Variants in ZNF37A observed in about 807,000 individuals in gnomAD.
ZNF37A encodes zinc finger protein 37a (KOX 21).
A neutral mutation model predicts 12.3 loss-of-function variants in ZNF37A; 10 were observed. The observed-to-expected ratio is 0.82, with a 90% CI of 0.50 to 1.38. ZNF37A has a LOEUF of 1.38. ZNF37A is among the 40% of genes most tolerant of loss of function. ZNF37A has a pLI of 0.00. For synonymous variants in ZNF37A, 207 were observed against 223.0 expected, an observed-to-expected ratio of 0.93 and a Z score of 0.64; for missense variants, 580 against 651.2, an observed-to-expected ratio of 0.89 and a Z score of 1.19.
intron 5 of ZNF37A, among the ~76,000 whole-genome samples, chr10:38,112,796 T>TCGG (rs1564932659): frequency 0.018 from 874 of 47,558 alleles, 121 homozygotes; most frequent in Middle Eastern, 0.052. Flanking sequence ...TTTTCTTTTC[T>TCGG]TGTCTTGTCT....
chr10:38,104,026 T>C (rs1414326445), intron 5 of ZNF37A, among the ~76,000 whole-genome samples: 1 of 152,206 alleles, frequency 6.6e-6, no homozygotes, highest in Non-Finnish European at 1.5e-5. Context: ...TTTCTGAGCA[T>C]GCATATTGTC....
chr10:38,142,889 A>C (rs1440764648), intron 7 of ZNF37A: 3 of 152,240 alleles, frequency 2.0e-5, no homozygotes, highest in Non-Finnish European at 4.4e-5. Context: ...CAGACCATGG[A>C]GTAATTTTTG....
At position 38,097,583 on chromosome 10, in the gene ZNF37A, CAAA is replaced by C. The variant is rs71007695; in HGVS notation, c.15+980_15+982del. On this transcript the variant is annotated intron_variant, in intron 5 of 7. Coordinates refer to ENST00000685332, the MANE Select transcript of ZNF37A (RefSeq NM_001324250.3). ...TGGGTGACAGAGTGAGACTCTGTCT[CAAA>C]AAAAAAAAAAAAAAAAAAAAAAAAA... Among the ~76,000 whole-genome samples, 20 of 61,946 alleles carry C rather than the reference CAAA, an allele frequency of 3.2e-4. 1 individual carries two copies. The highest frequency in any genetic ancestry group is 7.4e-4 in the South Asian group (1 of 1,344). The allele number at this position is 61,946 out of a possible 152,430, so 40.6% of individuals were successfully genotyped here.
Position 38,120,469 on chromosome 10 carries a change from A to G in ZNF37A, c.*1632A>G, listed in dbSNP as rs1292519555. 3.3e-5 allele frequency: 5 copies of G among 152,192 alleles called. No individual in the cohort carries two copies. Among genetic ancestry groups the G allele is most frequent in the Non-Finnish European group, 5.9e-5 (4 of 68,058 alleles). 9.4% of individuals were successfully genotyped at this position (152,192 alleles called of 1,614,324 possible). ...AATATACTTTGCTATTGGGTAAGGT[A>G]TAGTAGTTGGCAGCAGAATGGACCC... On this transcript the variant is annotated 3_prime_UTR_variant, in exon 8 of 8. Coordinates refer to ENST00000685332, the MANE Select transcript of ZNF37A (RefSeq NM_001324250.3).
intron 5 of ZNF37A, among the ~76,000 whole-genome samples, chr10:38,106,098 G>C (rs1262413907): frequency 6.6e-6 from 1 of 152,042 alleles, no homozygotes; most frequent in Non-Finnish European, 1.5e-5. Flanking sequence ...TTTCACTGTG[G>C]AGTATGTTAC....
intron 7 of ZNF37A, among the ~76,000 whole-genome samples, chr10:38,133,890 A>G (rs1327906258): frequency 2.0e-5 from 3 of 152,218 alleles, no homozygotes; most frequent in Non-Finnish European, 2.9e-5. Context: ...GAATTGCCAC[A>G]CTATCTTCCA....
chr10:38,129,319 A>AAAAAAC, downstream of ZNF37A, among the ~76,000 whole-genome samples: 98 of 116,298 alleles, frequency 8.4e-4, 8 homozygotes, highest in Middle Eastern at 4.4e-3. Flanking sequence ...AAAAAAAAAA[A>AAAAAAC]AAACTATTAT....
intron 5 of ZNF37A, among the ~76,000 whole-genome samples, chr10:38,112,760 CTTTTCTTT>C (rs2068863479): frequency 1.9e-5 from 1 of 51,668 alleles, no homozygotes; most frequent in Non-Finnish European, 4.1e-5. Context: ...CTTTTCTTTT[CTTTTCTTT>C]TCTTTTCTTT....
chr10:38,145,823 G>A (rs148862124), intron 7 of ZNF37A, among the ~76,000 whole-genome samples: 98 of 152,282 alleles, frequency 6.4e-4, no homozygotes, highest in African/African-American at 1.9e-3. Context: ...TGAGCTGGGC[G>A]AGTGGTGGCT....
intron 5 of ZNF37A, among the ~76,000 whole-genome samples, chr10:38,111,496 A>T (rs900006192): frequency 6.6e-6 from 1 of 151,854 alleles, no homozygotes; most frequent in African/African-American, 2.4e-5. Flanking sequence ...AAAAAAAAAA[A>T]CTGTTGACTG....
At chr10:38,145,768 ACTATAT>A (rs1669531765) in intron 7 of ZNF37A, among the ~76,000 whole-genome samples, 1 of 152,220 alleles carries the variant, frequency 6.6e-6, no homozygotes, top group Admixed American at 6.5e-5. Flanking sequence ...GCTGAGTGAG[ACTATAT>A]CTATAAAACT....
intron 7 of ZNF37A, chr10:38,141,782 T>C (rs1037011068): frequency 6.6e-6 from 1 of 152,108 alleles, no homozygotes; most frequent in African/African-American, 2.4e-5. Context: ...AAATCTAAAA[T>C]TACTTCAAAA....
intron 7 of ZNF37A, among the ~76,000 whole-genome samples, chr10:38,131,196 A>G (rs1415326922): frequency 6.6e-6 from 1 of 152,150 alleles, no homozygotes; most frequent in Non-Finnish European, 1.5e-5. Flanking sequence ...GATGCAAAAA[A>G]GTTCTTAATT....
intron 5 of ZNF37A, among the ~76,000 whole-genome samples, chr10:38,108,504 C>T (rs924661257): frequency 4.0e-5 from 6 of 151,754 alleles, no homozygotes; most frequent in Non-Finnish European, 5.9e-5. Flanking sequence ...GCAGAACTGA[C>T]GGAGATAGAG....
chr10:38,106,839 A>T (rs1238997422), intron 5 of ZNF37A, among the ~76,000 whole-genome samples: 1 of 152,198 alleles, frequency 6.6e-6, no homozygotes, highest in Non-Finnish European at 1.5e-5. Flanking sequence ...AAAGCCTCCA[A>T]GAAATACGGG....
At position 38,094,340 on chromosome 10, in the gene ZNF37A, A is replaced by T. The variant is rs2066950622; in HGVS notation, c.-642A>T. ...GGAGCGGCGCGAGGACTTGTGGGAG[A>T]TGTAGTGTGCACTTTTCGGCCCCCG... On this transcript the variant is annotated 5_prime_UTR_variant, in exon 1 of 8. It removes an upstream start codon present in the reference 5' UTR. Transcript: ENST00000685332. 1 of 139,678 alleles carries T rather than the reference A, an allele frequency of 7.2e-6. No individual in the cohort carries two copies. The highest frequency in any genetic ancestry group is 7.4e-5 in the Admixed American group (1 of 13,432). 8.7% of individuals were successfully genotyped at this position (139,678 alleles called of 1,614,324 possible).
At position 38,106,596 on chromosome 10, in the gene ZNF37A, T is replaced by C. The variant is rs1215394981; in HGVS notation, c.16-8159T>C. Among the ~76,000 whole-genome samples the C allele has an allele frequency of 2.6e-5, 4 of 152,204 alleles. No individual in the cohort carries two copies. In the East Asian group the frequency reaches 7.8e-4, roughly 30 times the overall value. ...CATGTTCTATCCAATGCAGGGAAGC[T>C]AAGAATCTTGATAAAAGGATAGACA... On this transcript the variant is annotated intron_variant, in intron 5 of 7. Transcript: ENST00000685332.
chr10:38,143,197 G>A (rs1265764996), intron 7 of ZNF37A: 3 of 152,202 alleles, frequency 2.0e-5, no homozygotes, highest in African/African-American at 7.2e-5. Context: ...AAGAGGTAAG[G>A]CACCAGCACT....
rs764849205 is a variant in ZNF37A at position 38,118,601 on chromosome 10, G to A, written c.1450G>A (p.Val484Ile). 6.2e-6 allele frequency: 10 copies of A among 1,605,640 alleles called. No homozygotes were observed. The South Asian group carries it at 6.6e-5, about 11-fold the overall frequency. Reference sequence around the variant, plus strand: ...CTTCCGTCAGAAGTCAGCCCTAATTGTTCACCAGAGAACTCATATAAGACA... The same window carrying A: ...CTTCCGTCAGAAGTCAGCCCTAATTATTCACCAGAGAACTCATATAAGACA... ...KTFRQKSALIVHQRTHIRQKP... is the reference protein window; with the variant it reads ...KTFRQKSALIIHQRTHIRQKP... Residue 484 changes from valine to isoleucine, a missense_variant, in exon 8 of 8, where the codon GTT becomes ATT. Val to Ile is a conservative substitution (Grantham distance 29, BLOSUM62 3). Coordinates refer to ENST00000685332, the MANE Select transcript of ZNF37A (RefSeq NM_001324250.3).
Sources: gnomAD v4.1 joint callset for allele counts (sites outside exome capture counted in the v4.1 genomes callset) on GRCh38, gnomAD v4.1.1 for gene constraint, MANE v1.5 for transcripts, NCBI Gene and HGNC (gene_info 2026-07-23, HGNC 2026-07-21) for gene names.